DERA: variants seen among roughly 807,000 people sequenced by gnomAD.
The protein encoded by DERA is deoxyribose-phosphate aldolase.
Under a neutral mutation model 41.1 loss-of-function variants are expected in DERA, and 15 were observed. That is an observed-to-expected ratio of 0.37 (90% confidence interval 0.24 to 0.56). The LOEUF (loss-of-function observed/expected upper bound fraction) is 0.56, where lower values mean the gene tolerates loss of function less well. Among genes scored for constraint, DERA ranks in the 20% least tolerant of loss-of-function variants. The pLI is 0.81. For synonymous variants in DERA, 139 were observed against 137.4 expected (o/e 1.01, Z -0.08); for missense variants, 396 against 403.4 (o/e 0.98, Z 0.16).
In DERA at chr12:15,993,358, C is replaced by T. The variant is rs1237257067; in HGVS notation, c.637+10922C>T. The stretch of plus-strand genomic sequence containing the variant: ...CAAATAGTAAAGTAAATGACAATGT[C>T]GATTTATTTTTCTAAAGATTGTCAC... On this transcript the variant is annotated intron_variant, in intron 6 of 8. Coordinates refer to ENST00000428559, the MANE Select transcript of DERA (RefSeq NM_015954.4). This position sits in a 1 kb window ranked among gnomAD's most constrained non-coding sequence, Gnocchi z 4.4. 2.6e-5 allele frequency among the ~76,000 whole-genome samples: 4 copies of T among 151,662 alleles called. No homozygotes were observed. The highest frequency in any genetic ancestry group is 4.4e-5 in the Non-Finnish European group (3 of 67,936).
chr12:16,022,422 A>T (rs948089037), intron 6 of DERA, among the ~76,000 whole-genome samples: 2 of 152,320 alleles, frequency 1.3e-5, no homozygotes, highest in East Asian at 1.9e-4. Context: ...ACCCAGCCTC[A>T]GGTATTCCTT....
Position 16,036,332 on chromosome 12 carries a change from A to C in DERA, c.851A>C (p.Glu284Ala). 1 of 1,613,682 alleles carries C rather than the reference A, an allele frequency of 6.2e-7. No homozygotes were observed. The highest frequency in any genetic ancestry group is 8.5e-7 in the Non-Finnish European group (1 of 1,179,726). ...CTTGGAGATGAGTGGCTGAAGCCAG[A>C]ACTCTTTCGAATAGGTGCCAGTACT... ...EELGDEWLKPELFRIGASTLL... is the reference protein window; with the variant it reads ...EELGDEWLKPALFRIGASTLL... Residue 284 changes from glutamate to alanine, a missense_variant, in exon 8 of 9, where the codon GAA becomes GCA. Glu to Ala is a moderately radical substitution (Grantham distance 107). Transcript: ENST00000428559. This position sits in a 1 kb window ranked among gnomAD's most constrained non-coding sequence, Gnocchi z 4.9.
intron 1 of DERA, among the ~76,000 whole-genome samples, chr12:15,950,922 A>G (rs1768304423): frequency 6.6e-6 from 1 of 152,222 alleles, no homozygotes; most frequent in African/African-American, 2.4e-5. Flanking sequence ...CTTTGATATT[A>G]GTTGAATGAA....
Position 16,021,800 on chromosome 12 carries a change from C to A in DERA, c.638-10742C>A, listed in dbSNP as rs549442454. Among the ~76,000 whole-genome samples the A allele has an allele frequency of 6.6e-5, 10 of 152,256 alleles. No individual in the cohort carries two copies. The highest frequency in any genetic ancestry group is 2.4e-4 in the African/African-American group (10 of 41,554). On this transcript the variant is annotated intron_variant, in intron 6 of 8. Coordinates refer to ENST00000428559, the MANE Select transcript of DERA (RefSeq NM_015954.4). The surrounding 1 kb of genome is among the most constrained non-coding windows in gnomAD (Gnocchi z 5.3). ...TAGCGCACCCCTCCCCCTTTTTTGG[C>A]TGATTTCTCCCTTTGGGAATGGTAA...
At chr12:15,939,767 G>A (rs1451272713) in intron 1 of DERA, among the ~76,000 whole-genome samples, 1 of 152,164 alleles carries the variant, frequency 6.6e-6, no homozygotes, top group African/African-American at 2.4e-5. Flanking sequence ...AGAATCAGAT[G>A]TTTCTAGTAT....
intron 1 of DERA, among the ~76,000 whole-genome samples, chr12:15,951,126 G>A (rs147789639): frequency 6.6e-6 from 1 of 152,330 alleles, no homozygotes; most frequent in Non-Finnish European, 1.5e-5. Flanking sequence ...GGGGAATGTT[G>A]GCCCAGGGAC....
chr12:15,916,537 G>A lies in DERA; in HGVS notation c.31+5123G>A, dbSNP rs371456432. ...GCCATCTCGGCTCACTGCAACCTCC[G>A]CCTCCCGGGTTCAAGTGAGCCTCCA... is the stretch of plus-strand genomic sequence containing the variant. On this transcript the variant is annotated intron_variant, in intron 1 of 8. Transcript: ENST00000428559. Among the ~76,000 whole-genome samples, 614 of 137,348 alleles carry A rather than the reference G, an allele frequency of 4.5e-3. 6 individuals carry two copies. Among genetic ancestry groups the A allele is most frequent in the African/African-American group, 0.015 (563 of 37,050 alleles). The allele number at this position is 137,348 out of a possible 152,430, so 90.1% of individuals were successfully genotyped here. A position where few individuals can be genotyped will look rare whatever the true frequency, so the allele number is the denominator to read the frequency against.
rs1362053035 is a variant in DERA, at chr12:15,989,057, C to T, written c.637+6621C>T. Reference sequence around the variant, plus strand: ...GGAGTGGGACCAGGTACTTCTGAGCCTGCAGGGGTAGAGGGCTTCCCAGGC... The same window carrying T: ...GGAGTGGGACCAGGTACTTCTGAGCTTGCAGGGGTAGAGGGCTTCCCAGGC... On this transcript the variant is annotated intron_variant, in intron 6 of 8. Transcript: ENST00000428559. The surrounding 1 kb of genome is among the most constrained non-coding windows in gnomAD (Gnocchi z 5.2). Among the ~76,000 whole-genome samples, 1 of 152,214 alleles carries T rather than the reference C, an allele frequency of 6.6e-6. No homozygotes were observed. Among genetic ancestry groups the T allele is most frequent in the Non-Finnish European group, 1.5e-5 (1 of 68,024 alleles).
chr12:15,975,770 A>G (rs1033244306), intron 5 of DERA, among the ~76,000 whole-genome samples: 3 of 152,236 alleles, frequency 2.0e-5, no homozygotes, highest in African/African-American at 7.2e-5. Flanking sequence ...TGGCTCCTCT[A>G]TCCTTTTTAT....
chr12:15,992,296 A>G lies in DERA; in HGVS notation c.637+9860A>G, dbSNP rs1349990871. Among the ~76,000 whole-genome samples the G allele has an allele frequency of 3.3e-5, 5 of 152,194 alleles. No homozygotes were observed. The highest frequency in any genetic ancestry group is 1.2e-4 in the African/African-American group (5 of 41,450). ...TTAGATGCCTCTTTCCAGATGTGCC[A>G]AAATCTTGTAGAATTTGAACATGTT... On this transcript the variant is annotated intron_variant, in intron 6 of 8. Transcript: ENST00000428559. This position sits in a 1 kb window ranked among gnomAD's most constrained non-coding sequence, Gnocchi z 4.3.
chr12:15,917,867 A>G (rs1364856767), intron 1 of DERA, among the ~76,000 whole-genome samples: 1 of 152,176 alleles, frequency 6.6e-6, no homozygotes, highest in Non-Finnish European at 1.5e-5. Flanking sequence ...CGATATGAGA[A>G]GCCAAGATCT....
Position 15,992,381 on chromosome 12 carries a change from A to G in DERA, c.637+9945A>G, listed in dbSNP as rs1454951782. Among the ~76,000 whole-genome samples, 1 of 152,180 alleles carries G rather than the reference A, an allele frequency of 6.6e-6. No individual in the cohort carries two copies. The highest frequency in any genetic ancestry group is 2.4e-5 in the African/African-American group (1 of 41,464). ...AAAGAGAGACAATTTATATTTTAACAAGGATATTGTATTTCTAAAGCAATG... is the reference window on the plus strand; with the variant it reads ...AAAGAGAGACAATTTATATTTTAACGAGGATATTGTATTTCTAAAGCAATG... On this transcript the variant is annotated intron_variant, in intron 6 of 8. Coordinates refer to ENST00000428559, the MANE Select transcript of DERA (RefSeq NM_015954.4). This position sits in a 1 kb window ranked among gnomAD's most constrained non-coding sequence, Gnocchi z 4.3.
intron 1 of DERA, among the ~76,000 whole-genome samples, chr12:15,919,406 C>A (rs1319828835): frequency 6.6e-6 from 1 of 152,090 alleles, no homozygotes; most frequent in African/African-American, 2.4e-5. Context: ...CTTGAGGATG[C>A]GATTTAAACA....
chr12:16,003,296 C>T lies in DERA; in HGVS notation c.637+20860C>T, dbSNP rs1180213738. ...TAATCATATTGCAGTAGGAGCCTACCGTACTCCATTGCGACCTCATATTGA... is the reference window on the plus strand; with the variant it reads ...TAATCATATTGCAGTAGGAGCCTACTGTACTCCATTGCGACCTCATATTGA... On this transcript the variant is annotated intron_variant, in intron 6 of 8. Transcript: ENST00000428559. The surrounding 1 kb of genome is among the most constrained non-coding windows in gnomAD (Gnocchi z 4.8). Among the ~76,000 whole-genome samples the T allele has an allele frequency of 3.3e-5, 5 of 152,094 alleles. No homozygotes were observed. Among genetic ancestry groups the T allele is most frequent in the Admixed American group, 2.6e-4 (4 of 15,266 alleles).
At position 16,012,741 on chromosome 12, in the gene DERA, G is replaced by A. The variant is rs1008890516; in HGVS notation, c.638-19801G>A. On this transcript the variant is annotated intron_variant, in intron 6 of 8. Transcript: ENST00000428559. The surrounding 1 kb of genome is among the most constrained non-coding windows in gnomAD (Gnocchi z 4.1). Reference sequence around the variant, plus strand: ...ACCTACAGAGTGATTACATGTTTTGGTGTCTCATTGAAGCTCTGTAAAAAT... The same window carrying A: ...ACCTACAGAGTGATTACATGTTTTGATGTCTCATTGAAGCTCTGTAAAAAT... 6.6e-6 allele frequency among the ~76,000 whole-genome samples: 1 copy of A among 152,078 alleles called. No homozygotes were observed. The highest frequency in any genetic ancestry group is 1.5e-5 in the Non-Finnish European group (1 of 68,012).
In DERA at chr12:15,995,244, T is replaced by TATA. The variant is rs1273124776; in HGVS notation, c.637+12809_637+12811dup. ...GGAAGACATAATGGCAAGGTGTTTC[T>TATA]ATAGAGAGGCAAGGTGTTTGCAGAA... On this transcript the variant is annotated intron_variant, in intron 6 of 8. Transcript: ENST00000428559. This position sits in a 1 kb window ranked among gnomAD's most constrained non-coding sequence, Gnocchi z 5.1. 6.6e-6 allele frequency among the ~76,000 whole-genome samples: 1 copy of TATA among 152,194 alleles called. No individual in the cohort carries two copies. Among genetic ancestry groups the TATA allele is most frequent in the African/African-American group, 2.4e-5 (1 of 41,428 alleles).
chr12:15,948,639 G>T (rs1948470721), intron 1 of DERA, among the ~76,000 whole-genome samples: 1 of 152,102 alleles, frequency 6.6e-6, no homozygotes, highest in African/African-American at 2.4e-5. Flanking sequence ...TTTGCGACTG[G>T]TCGAACTTCC....
At position 15,983,399 on chromosome 12, in the gene DERA, G is replaced by A. The variant is rs1467185198; in HGVS notation, c.637+963G>A. 6.6e-6 allele frequency among the ~76,000 whole-genome samples: 1 copy of A among 152,140 alleles called. No homozygotes were observed. The highest frequency in any genetic ancestry group is 1.5e-5 in the Non-Finnish European group (1 of 68,014). On this transcript the variant is annotated intron_variant, in intron 6 of 8. Coordinates refer to ENST00000428559, the MANE Select transcript of DERA (RefSeq NM_015954.4). The surrounding 1 kb of genome is among the most constrained non-coding windows in gnomAD (Gnocchi z 6.2). ...TTACTTGCACTTCTCTGCAGATGGT[G>A]CCATCCAACCTTTTGAGTCTTTGTA...
rs1948777851 is a variant in DERA, at chr12:15,988,151, G to A, written c.637+5715G>A. 6.6e-6 allele frequency among the ~76,000 whole-genome samples: 1 copy of A among 152,168 alleles called. No individual in the cohort carries two copies. The highest frequency in any genetic ancestry group is 6.5e-5 in the Admixed American group (1 of 15,290). ...GTTACAGCATGTCACAGGCCTAGCT[G>A]GGGGAGCCCTGAGTTCTGGGCTCCC... On this transcript the variant is annotated intron_variant, in intron 6 of 8. Transcript: ENST00000428559. The surrounding 1 kb of genome is among the most constrained non-coding windows in gnomAD (Gnocchi z 6.0).
Sources: gnomAD v4.1 joint callset for allele counts (sites outside exome capture counted in the v4.1 genomes callset) on GRCh38, gnomAD v4.1.1 for gene constraint, Gnocchi (gnomAD v3.1) non-coding constraint, MANE v1.5 for transcripts, NCBI Gene and HGNC (gene_info 2026-07-23, HGNC 2026-07-21) for gene names.